Variants in NVL observed in about 807,000 individuals in gnomAD.
NVL encodes nuclear valosin-containing protein-like.
Under a neutral mutation model 110.2 loss-of-function variants are expected in NVL, and 84 were observed. The observed-to-expected ratio is 0.76, with a 90% CI of 0.64 to 0.91. The LOEUF (loss-of-function observed/expected upper bound fraction) is 0.91. Among genes scored for constraint, NVL ranks in the 40% least tolerant of loss-of-function variants. NVL has a pLI of 0.00. For synonymous variants in NVL, 354 were observed against 361.1 expected (o/e 0.98, Z 0.22); for missense variants, 882 against 1,035.9 (o/e 0.85, Z 2.04).
intron 18 of NVL, among the ~76,000 whole-genome samples, chr1:224,253,715 G>C: frequency 7.6e-6 from 1 of 131,286 alleles, no homozygotes; most frequent in South Asian, 2.5e-4. Flanking sequence ...CCTTGGGACA[G>C]AGCAAGGCTC....
chr1:224,235,561 C>T (rs1660368055), intron 20 of NVL, among the ~76,000 whole-genome samples: 1 of 151,992 alleles, frequency 6.6e-6, no homozygotes, highest in Non-Finnish European at 1.5e-5. Context: ...TACATCTGCC[C>T]CTCACCACCC....
intron 22 of NVL, among the ~76,000 whole-genome samples, chr1:224,228,924 C>A (rs201534356): frequency 7.7e-4 from 63 of 81,668 alleles, no homozygotes; most frequent in South Asian, 2.5e-3. Context: ...GACTCCGTCT[C>A]AAAAAAAAAA....
intron 11 of NVL, among the ~76,000 whole-genome samples, chr1:224,295,842 T>C (rs1160750351): frequency 1.3e-5 from 2 of 150,808 alleles, no homozygotes; most frequent in Admixed American, 1.3e-4. Context: ...GGCACGCACC[T>C]GTAATCCCAG....
At chr1:224,264,562 C>T (rs1318330877) in intron 18 of NVL, among the ~76,000 whole-genome samples, 3 of 152,058 alleles carry the variant, frequency 2.0e-5, no homozygotes, top group Non-Finnish European at 4.4e-5. Context: ...TTTTAAAGCA[C>T]TAAGCTTTAC....
At chr1:224,300,684 A>G (rs767332652) in intron 9 of NVL, 21 bp from the exon 10 acceptor site, 4 of 1,566,626 alleles carry the variant, frequency 2.6e-6, no homozygotes, top group Middle Eastern at 1.7e-4. Flanking sequence ...ACATAAAAGA[A>G]TAACCAAATA....
chr1:224,229,003 TAA>T (rs1015705155), intron 22 of NVL, among the ~76,000 whole-genome samples: 8 of 149,086 alleles, frequency 5.4e-5, no homozygotes, highest in African/African-American at 2.0e-4. Context: ...CAACAATGTA[TAA>T]GAGTTCCAGG....
intron 22 of NVL, among the ~76,000 whole-genome samples, chr1:224,229,179 C>T (rs1044755663): frequency 2.6e-5 from 4 of 151,572 alleles, no homozygotes; most frequent in African/African-American, 9.7e-5. Context: ...GCCTGTAATC[C>T]CAGCTACTCG....
intron 20 of NVL, among the ~76,000 whole-genome samples, chr1:224,234,600 C>A (rs1441492350): frequency 6.6e-6 from 1 of 151,950 alleles, no homozygotes; most frequent in African/African-American, 2.4e-5. Flanking sequence ...TAAAGACCCA[C>A]AGAGCTTAAA....
At chr1:224,242,793 A>G (rs1265107521) in intron 19 of NVL, among the ~76,000 whole-genome samples, 3 of 147,310 alleles carry the variant, frequency 2.0e-5, no homozygotes, top group Non-Finnish European at 4.5e-5. Context: ...TCTATTCTTA[A>G]CTACACATCA....
Position 224,286,454 on chromosome 1 carries a change from C to A in NVL, c.1795-324G>T, listed in dbSNP as rs143214726. On this transcript the variant is annotated intron_variant, in intron 14 of 22. Coordinates refer to ENST00000281701, the MANE Select transcript of NVL (RefSeq NM_002533.4). ...CTCCTGACCTCAGGTGATCCACCTGCCTCAGCCTCCCAAAGTGCTGGGATT... is the reference window on the plus strand; with the variant it reads ...CTCCTGACCTCAGGTGATCCACCTGACTCAGCCTCCCAAAGTGCTGGGATT... 8.5e-3 allele frequency among the ~76,000 whole-genome samples: 1,301 copies of A among 152,252 alleles called. 21 individuals are homozygous for A. The highest frequency in any genetic ancestry group is 0.029 in the African/African-American group (1,200 of 41,536).
At chr1:224,252,064 T>C (rs575853726) in intron 18 of NVL, among the ~76,000 whole-genome samples, 2 of 152,290 alleles carry the variant, frequency 1.3e-5, no homozygotes, top group African/African-American at 4.8e-5. Flanking sequence ...TTATTCTTCC[T>C]ACACATTCTT....
intron 2 of NVL, among the ~76,000 whole-genome samples, chr1:224,318,946 G>T (rs1213882511): frequency 1.3e-5 from 2 of 149,652 alleles, no homozygotes; most frequent in African/African-American, 4.9e-5. Context: ...CCAAGATCGT[G>T]CCACTGCACT....
intron 7 of NVL, 40 bp from the exon 8 acceptor site, chr1:224,304,852 C>G (rs1668764984): frequency 6.5e-7 from 1 of 1,543,880 alleles, no homozygotes; most frequent in African/African-American, 1.4e-5. Flanking sequence ...ATTAATGATT[C>G]AGTAGTAACT....
At chr1:224,318,832 A>T (rs1005346389) in intron 2 of NVL, among the ~76,000 whole-genome samples, 16 of 151,480 alleles carry the variant, frequency 1.1e-4, no homozygotes, top group African/African-American at 2.9e-4. Flanking sequence ...AAATAAAAAA[A>T]AAAAAAATTA....
At position 224,304,798 on chromosome 1, in the gene NVL, AC is replaced by A; in HGVS notation, c.762del (p.Leu255Ter). 3 of 1,613,992 alleles carry A rather than the reference AC, an allele frequency of 1.9e-6. No homozygotes were observed. Among genetic ancestry groups the A allele is most frequent in the Non-Finnish European group, 2.5e-6 (3 of 1,179,914 alleles). ...AVLQKKAKAR[G>X]LEFQISNVKF... ...TTCACGTTGGAGATCTGGAATTCTA[AC>A]CCCCTGGCTTTAGCTGGTAAACAAA... On this transcript the variant is annotated frameshift_variant, in exon 8 of 23. Transcript: ENST00000281701. LOFTEE classifies it high-confidence loss of function.
At position 224,303,849 on chromosome 1, in the gene NVL, G is replaced by A. The variant is rs929264947; in HGVS notation, c.834C>T (p.Cys278=). The A allele has an allele frequency of 1.2e-6, 2 of 1,611,422 alleles. No homozygotes were observed. The highest frequency in any genetic ancestry group is 1.7e-5 in the Admixed American group (1 of 59,526). The part of the protein sequence containing the change: ...GGNDMTLKEV[C]KMLIHMRHPE... ...GGTGACGCATGTGTATGAGCATCTTGCAGACCTCCTAGCAGAGGATAAGCA... is the reference window on the plus strand; with the variant it reads ...GGTGACGCATGTGTATGAGCATCTTACAGACCTCCTAGCAGAGGATAAGCA... Residue 278 remains cysteine, a synonymous_variant, in exon 9 of 23, where the codon TGC becomes TGT. Coordinates refer to ENST00000281701, the MANE Select transcript of NVL (RefSeq NM_002533.4).
chr1:224,240,543 G>A (rs554294868), intron 19 of NVL, among the ~76,000 whole-genome samples: 8 of 152,256 alleles, frequency 5.3e-5, no homozygotes, highest in Non-Finnish European at 1.2e-4. Context: ...TGCATAATGG[G>A]AGCAATTGTC....
chr1:224,311,467 C>T (rs1052819399), intron 5 of NVL, among the ~76,000 whole-genome samples: 1 of 152,152 alleles, frequency 6.6e-6, no homozygotes, highest in Non-Finnish European at 1.5e-5. Flanking sequence ...CTCCTGGGCT[C>T]AAGTGATTCT....
chr1:224,240,783 CTTTTT>C (rs59138570), intron 19 of NVL, among the ~76,000 whole-genome samples: 2 of 82,662 alleles, frequency 2.4e-5, no homozygotes, highest in Non-Finnish European at 4.4e-5. Flanking sequence ...ACAAACTGTC[CTTTTT>C]TTTTTTTTTT....
Sources: allele counts gnomAD v4.1 joint callset (sites outside exome capture counted in the v4.1 genomes callset), GRCh38; gene constraint gnomAD v4.1.1; transcripts MANE v1.5; gene names NCBI Gene and HGNC (gene_info 2026-07-23, HGNC 2026-07-21).